The following COBLL1 variants were observed in gnomAD, a reference collection of about 807,000 sequenced individuals.
COBLL1 encodes the protein cordon-bleu WH2 repeat protein like 1.
Under a neutral mutation model 94.8 loss-of-function variants are expected in COBLL1, and 50 were observed. The observed-to-expected ratio is 0.53, with a 90% confidence interval of 0.42 to 0.67. The LOEUF (loss-of-function observed/expected upper bound fraction) is 0.67. Among genes scored for constraint, COBLL1 ranks in the 30% least tolerant of loss-of-function variants. The pLI, the probability that COBLL1 is intolerant of heterozygous loss-of-function variation, is 0.00. For synonymous variants in COBLL1, 448 were observed against 473.8 expected (o/e 0.95, Z 0.71); for missense variants, 1,362 against 1,348.7 (o/e 1.01, Z -0.15).
At chr2:164,729,686 T>C (rs1685886496) in intron 4 of COBLL1, among the ~76,000 whole-genome samples, 1 of 152,186 alleles carries the variant, frequency 6.6e-6, no homozygotes, top group Non-Finnish European at 1.5e-5. Context: ...AATTGTTACA[T>C]ACTTATGCAA....
intron 2 of COBLL1, among the ~76,000 whole-genome samples, chr2:164,784,028 G>A (rs969244300): frequency 2.0e-5 from 3 of 152,134 alleles, no homozygotes; most frequent in Non-Finnish European, 4.4e-5. Flanking sequence ...TCTTTCTAGA[G>A]GTGTGGAGCC....
chr2:164,742,336 A>G (rs893170835), intron 3 of COBLL1, among the ~76,000 whole-genome samples: 1 of 152,142 alleles, frequency 6.6e-6, no homozygotes, highest in Non-Finnish European at 1.5e-5. Flanking sequence ...AACTAGAAAA[A>G]AAGTTGACTT....
chr2:164,831,299 G>A (rs2105381869), intron 2 of COBLL1, among the ~76,000 whole-genome samples: 1 of 151,904 alleles, frequency 6.6e-6, no homozygotes, highest in Non-Finnish European at 1.5e-5. Context: ...TTCAGCCTGG[G>A]CAACAGAGTG....
At chr2:164,662,597 G>A (rs1691088221) in intron 2 of COBLL1, among the ~76,000 whole-genome samples, 1 of 152,174 alleles carries the variant, frequency 6.6e-6, no homozygotes, top group Non-Finnish European at 1.5e-5. Context: ...AATGCCTAGT[G>A]TTGGAGGTGG....
At chr2:164,672,994 C>A (rs1361452782) in intron 1 of COBLL1, among the ~76,000 whole-genome samples, 1 of 152,134 alleles carries the variant, frequency 6.6e-6, no homozygotes, top group Non-Finnish European at 1.5e-5. Flanking sequence ...TGGAATAAAA[C>A]TGATTCTAGC....
intron 2 of COBLL1, among the ~76,000 whole-genome samples, chr2:164,797,227 C>T (rs1232641437): frequency 2.6e-5 from 4 of 152,184 alleles, no homozygotes; most frequent in African/African-American, 4.8e-5. Context: ...CAATGTTGGG[C>T]TTCCCTGATG....
At chr2:164,695,951 C>T in intron 11 of COBLL1, 115 bp from the exon 12 acceptor site, 3 of 790,640 alleles carry the variant, frequency 3.8e-6, no homozygotes, top group Non-Finnish European at 3.9e-6. Flanking sequence ...AGATAATTTT[C>T]AACTCACTGA....
upstream of COBLL1, chr2:164,842,028 G>T: frequency 2.0e-6 from 3 of 1,537,674 alleles, no homozygotes; most frequent in South Asian, 2.4e-5. Flanking sequence ...CATAAGTGGG[G>T]ACCAGCTCGG....
chr2:164,675,006 C>A (rs1691313100), intron 1 of COBLL1, among the ~76,000 whole-genome samples: 1 of 152,130 alleles, frequency 6.6e-6, no homozygotes, highest in Non-Finnish European at 1.5e-5. Context: ...ATTCTTATTT[C>A]TTTATGACCA....
chr2:164,741,146 T>C (rs555238795), intron 3 of COBLL1, among the ~76,000 whole-genome samples: 1 of 151,976 alleles, frequency 6.6e-6, no homozygotes, highest in Non-Finnish European at 1.5e-5. Context: ...CATGGTGGTG[T>C]TCATCTGTAA....
At chr2:164,722,645 C>T (rs923983856) in intron 5 of COBLL1, 123 bp from the exon 6 acceptor site, 2 of 516,094 alleles carry the variant, frequency 3.9e-6, no homozygotes, top group Non-Finnish European at 6.9e-6. Context: ...TTATAGTCTA[C>T]AAAGAAGCAC....
rs185874273 is a variant in COBLL1, at chr2:164,818,553, A to G, written c.41+22603T>C. Among the ~76,000 whole-genome samples the G allele has an allele frequency of 5.0e-3, 748 of 148,656 alleles. 19 individuals carry two copies. The highest frequency in any genetic ancestry group is 0.046 in the Admixed American group (686 of 14,838). ...TATACATATTTACATATATGTGTAC[A>G]TATGTACACATATATAGCATATATG... On this transcript the variant is annotated intron_variant, in intron 2 of 13. Coordinates refer to ENST00000652658, the MANE Select transcript of COBLL1 (RefSeq NM_001365672.2).
rs552511876 is a variant in COBLL1 at position 164,773,695 on chromosome 2, G to A, written c.42-29820C>T. ...AATTATTTTAAAAGTTTTACACAAC[G>A]TATTTACTTACAACTGTTCCAGAAA... On this transcript the variant is annotated intron_variant, in intron 2 of 13. Coordinates refer to ENST00000652658, the MANE Select transcript of COBLL1 (RefSeq NM_001365672.2). 3.8e-4 allele frequency: 431 copies of A among 1,128,452 alleles called. 1 individual carries two copies. The highest frequency in any genetic ancestry group is 3.8e-3 in the South Asian group (279 of 73,440). 69.9% of individuals were successfully genotyped at this position (1,128,452 alleles called of 1,614,324 possible).
intron 2 of COBLL1, among the ~76,000 whole-genome samples, chr2:164,826,645 T>C (rs1274097672): frequency 6.6e-6 from 1 of 152,228 alleles, no homozygotes; most frequent in African/African-American, 2.4e-5. Flanking sequence ...GTCCAGGTCC[T>C]GTCTCCAAGC....
intron 2 of COBLL1, among the ~76,000 whole-genome samples, chr2:164,662,910 T>C (rs778743130): frequency 1.7e-4 from 26 of 152,188 alleles, no homozygotes; most frequent in Non-Finnish European, 3.2e-4. Context: ...TGCAGAATGA[T>C]GAGTCAATTA....
chr2:164,743,588 G>T (rs997080002), intron 3 of COBLL1, 99 bp downstream of exon 3: 5 of 940,040 alleles, frequency 5.3e-6, no homozygotes, highest in Admixed American at 1.9e-5. Context: ...GATAAATGAA[G>T]TGTTTTGTCA....
chr2:164,667,369 A>C (rs1452574098), intron 1 of COBLL1, among the ~76,000 whole-genome samples: 2 of 152,146 alleles, frequency 1.3e-5, no homozygotes, highest in Non-Finnish European at 2.9e-5. Context: ...TTTCAACTTA[A>C]AGTCACCAGT....
chr2:164,805,300 T>C (rs1432992437), intron 2 of COBLL1, among the ~76,000 whole-genome samples: 1 of 15,660 alleles, frequency 6.4e-5, no homozygotes, highest in South Asian at 2.3e-3. Flanking sequence ...TCTCTCTCTC[T>C]CTCTCTCTCT....
chr2:164,812,553 G>A (rs1684510561), intron 2 of COBLL1, among the ~76,000 whole-genome samples: 3 of 151,946 alleles, frequency 2.0e-5, no homozygotes, highest in Admixed American at 2.0e-4. Context: ...AAGTGAATGT[G>A]AATGGTTTCA....
Sources: gnomAD v4.1 joint callset for allele counts (sites outside exome capture counted in the v4.1 genomes callset) on GRCh38, gnomAD v4.1.1 for gene constraint, MANE v1.5 for transcripts, NCBI Gene and HGNC (gene_info 2026-07-23, HGNC 2026-07-21) for gene names.